RAB35: variants seen among roughly 807,000 people sequenced by gnomAD.
RAB35 encodes ras-related protein Rab-35.
RAB35 carries 4 observed loss-of-function variants against 28.9 expected under a neutral mutation model. The ratio of observed to expected loss-of-function variants is 0.14; its 90% CI spans 0.07 to 0.32. The LOEUF (loss-of-function observed/expected upper bound fraction) is 0.32. RAB35 is among the 10% of genes least tolerant of loss of function. The probability of loss-of-function intolerance (pLI) is 1.00; values close to 1 mark genes in which losing one functional copy is unlikely to be tolerated. For missense variants in RAB35, 128 were observed against 274.0 expected (o/e 0.47, Z 3.76); for synonymous variants, 99 against 105.1 (o/e 0.94, Z 0.35).
intron 3 of RAB35, among the ~76,000 whole-genome samples, chr12:120,101,862 C>A (rs995922654): frequency 6.6e-6 from 1 of 152,242 alleles, no homozygotes; most frequent in Non-Finnish European, 1.5e-5. Context: ...AATGGAGGAA[C>A]CAGTTCACCT....
intron 1 of RAB35, among the ~76,000 whole-genome samples, chr12:120,110,541 C>A (rs902145156): frequency 4.6e-5 from 7 of 152,094 alleles, no homozygotes; most frequent in African/African-American, 1.7e-4. Context: ...AGGCCTGAGC[C>A]ACTGCATTTG....
chr12:120,105,749 C>T (rs1046420205), intron 2 of RAB35, among the ~76,000 whole-genome samples: 1 of 152,108 alleles, frequency 6.6e-6, no homozygotes, highest in East Asian at 1.9e-4. Flanking sequence ...TGGTAAAACC[C>T]CGTCTCTACT....
At position 120,103,966 on chromosome 12, in the gene RAB35, G is replaced by A. The variant is rs772528338; in HGVS notation, c.104-17C>T. 4 of 1,613,410 alleles carry A rather than the reference G, an allele frequency of 2.5e-6. No individual in the cohort carries two copies. The highest frequency in any genetic ancestry group is 3.4e-6 in the Non-Finnish European group (4 of 1,179,782). On this transcript the variant is annotated splice_polypyrimidine_tract_variant and intron_variant, in intron 2 of 5. Coordinates refer to ENST00000229340, the MANE Select transcript of RAB35 (RefSeq NM_006861.7). This position sits in a 1 kb window ranked among gnomAD's most constrained non-coding sequence, Gnocchi z 6.1. ...TGTAGCTGCCTGCACACACAGGGCA[G>A]TTAACGAGGCCCAGCGCGGTATCTT... is the stretch of plus-strand genomic sequence containing the variant.
At chr12:120,102,317 G>A (rs901467903) in intron 3 of RAB35, among the ~76,000 whole-genome samples, 6 of 152,238 alleles carry the variant, frequency 3.9e-5, no homozygotes, top group South Asian at 2.1e-4. Flanking sequence ...ACCAGCCAAC[G>A]GCATGAGGGC....
chr12:120,104,030 C>T (rs2139053368), intron 2 of RAB35, 81 bp from the exon 3 acceptor site: 1 of 1,547,286 alleles, frequency 6.5e-7, no homozygotes, highest in Non-Finnish European at 8.7e-7. Flanking sequence ...AACACACCCC[C>T]AGGCTCCCCC....
intron 1 of RAB35, 87 bp downstream of exon 1, chr12:120,116,512 G>A (rs1410419968): frequency 3.4e-6 from 3 of 877,012 alleles, no homozygotes; most frequent in Non-Finnish European, 4.1e-6. Flanking sequence ...GCACGGGCCG[G>A]CACCTCCCCG....
intron 2 of RAB35, among the ~76,000 whole-genome samples, chr12:120,105,407 T>G (rs973702558): frequency 2.6e-5 from 4 of 152,042 alleles, no homozygotes; most frequent in Non-Finnish European, 5.9e-5. Context: ...AACAAAAGAA[T>G]GACCAGGGGG....
At chr12:120,104,478 C>T (rs1875789493) in intron 2 of RAB35, among the ~76,000 whole-genome samples, 1 of 152,172 alleles carries the variant, frequency 6.6e-6, no homozygotes, top group African/African-American at 2.4e-5. Flanking sequence ...AAGCCTGCCG[C>T]CCAAGGCAGG....
intron 3 of RAB35, chr12:120,099,574 A>G: frequency 5.0e-6 from 1 of 199,990 alleles, no homozygotes; most frequent in East Asian, 1.2e-4. Context: ...TGTTTTAGAG[A>G]ACCTTTCCAA....
At chr12:120,114,260 CT>C (rs1876240580) in intron 1 of RAB35, among the ~76,000 whole-genome samples, 1 of 152,142 alleles carries the variant, frequency 6.6e-6, no homozygotes, top group Non-Finnish European at 1.5e-5. Context: ...TGCCCGGCTA[CT>C]TTTGTATTTT....
chr12:120,112,937 C>T (rs1876180516), intron 1 of RAB35, among the ~76,000 whole-genome samples: 1 of 150,538 alleles, frequency 6.6e-6, no homozygotes, highest in Non-Finnish European at 1.5e-5. Flanking sequence ...GTCCCCCAGG[C>T]TGGAGTACAG....
intron 2 of RAB35, among the ~76,000 whole-genome samples, chr12:120,105,896 G>A (rs1028855584): frequency 1.5e-5 from 2 of 132,070 alleles, no homozygotes; most frequent in African/African-American, 3.1e-5. Flanking sequence ...CAGCCTGGGC[G>A]ACAGAGCGAG....
chr12:120,115,162 C>A (rs1876279677), intron 1 of RAB35, among the ~76,000 whole-genome samples: 1 of 151,970 alleles, frequency 6.6e-6, no homozygotes, highest in African/African-American at 2.4e-5. Flanking sequence ...TTCCCCCTTA[C>A]CTCTCCCCTC....
In RAB35 at chr12:120,103,183, A is replaced by G. The variant is rs1875727306; in HGVS notation, c.227+643T>C. Among the ~76,000 whole-genome samples the G allele has an allele frequency of 6.6e-6, 1 of 152,152 alleles. No homozygotes were observed. Among genetic ancestry groups the G allele is most frequent in the South Asian group, 2.1e-4 (1 of 4,832 alleles). On this transcript the variant is annotated intron_variant, in intron 3 of 5. Coordinates refer to ENST00000229340, the MANE Select transcript of RAB35 (RefSeq NM_006861.7). This position sits in a 1 kb window ranked among gnomAD's most constrained non-coding sequence, Gnocchi z 6.1. ...CCTGCTCTTTCCTAAAACCTGCTCC[A>G]CTAACAACCCAATAACCAGGAGCCG... is the stretch of plus-strand genomic sequence containing the variant.
intron 1 of RAB35, 136 bp from the exon 2 acceptor site, chr12:120,108,603 C>T: frequency 1.3e-6 from 1 of 773,628 alleles, no homozygotes; most frequent in Non-Finnish European, 2.3e-6. Flanking sequence ...TCTCAATGCT[C>T]TTTCCACCTC....
At position 120,097,457 on chromosome 12, in the gene RAB35, G is replaced by A. The variant is rs187471066; in HGVS notation, c.478-84C>T. ...CTGCACGGCTGCCTCCCCGCCTTCCGGGGCCCAGCTCTTTCTACCTGTGCA... is the reference window on the plus strand; with the variant it reads ...CTGCACGGCTGCCTCCCCGCCTTCCAGGGCCCAGCTCTTTCTACCTGTGCA... On this transcript the variant is annotated intron_variant, in intron 5 of 5. Coordinates refer to ENST00000229340, the MANE Select transcript of RAB35 (RefSeq NM_006861.7). The A allele has an allele frequency of 3.1e-5, 35 of 1,113,436 alleles. No homozygotes were observed. The East Asian group carries it at 5.0e-4, about 16-fold the overall frequency. 69.0% of individuals were successfully genotyped at this position (1,113,436 alleles called of 1,614,324 possible). A position where few individuals can be genotyped will look rare whatever the true frequency, so the allele number is the denominator to read the frequency against.
At chr12:120,109,336 C>G (rs1876018370) in intron 1 of RAB35, among the ~76,000 whole-genome samples, 1 of 152,192 alleles carries the variant, frequency 6.6e-6, no homozygotes, top group Non-Finnish European at 1.5e-5. Context: ...GCCTGTAATC[C>G]CAGCTACTCG....
Position 120,116,694 on chromosome 12 carries a change from G to A in RAB35, c.-44C>T. 8.2e-7 allele frequency: 1 copy of A among 1,221,612 alleles called. No homozygotes were observed. The highest frequency in any genetic ancestry group is 1.0e-6 in the Non-Finnish European group (1 of 981,236). 75.7% of individuals were successfully genotyped at this position (1,221,612 alleles called of 1,614,324 possible). Reference sequence around the variant, plus strand: ...GCGCGGGCGGGCGGGGTCGGTACTGGCCTCGCGATCCGCAGCTCCCTTCGG... The same window carrying A: ...GCGCGGGCGGGCGGGGTCGGTACTGACCTCGCGATCCGCAGCTCCCTTCGG... On this transcript the variant is annotated 5_prime_UTR_variant, in exon 1 of 6. Transcript: ENST00000229340.
chr12:120,097,088 G>A lies in RAB35; in HGVS notation c.*157C>T, dbSNP rs1284489362. 1.3e-6 allele frequency: 2 copies of A among 1,565,876 alleles called. No individual in the cohort carries two copies. The highest frequency in any genetic ancestry group is 8.6e-7 in the Non-Finnish European group (1 of 1,161,800). On this transcript the variant is annotated 3_prime_UTR_variant, in exon 6 of 6. Transcript: ENST00000229340. ...AACACCTTCTTGGCACTCGAGGAGG[G>A]CGGGGGAGGAAGTGCCGATGGCACC...
Sources: gnomAD v4.1 joint callset for allele counts (sites outside exome capture counted in the v4.1 genomes callset) on GRCh38, gnomAD v4.1.1 for gene constraint, Gnocchi (gnomAD v3.1) non-coding constraint, MANE v1.5 for transcripts, NCBI Gene and HGNC (gene_info 2026-07-23, HGNC 2026-07-21) for gene names.